Variants in INSR observed in about 807,000 individuals in gnomAD.
INSR encodes IR.
INSR carries 67 observed loss-of-function variants against 142.6 expected under a neutral mutation model. The observed-to-expected ratio is 0.47, with a 90% CI of 0.39 to 0.58. The LOEUF is 0.58. INSR is among the 20% of genes least tolerant of loss of function. The pLI is 0.00. For synonymous variants in INSR, 756 were observed against 743.1 expected (o/e 1.02, Z -0.28); for missense variants, 1,248 against 1,833.2 (o/e 0.68, Z 5.83).
At chr19:7,208,387 A>G (rs7256547) in intron 2 of INSR, among the ~76,000 whole-genome samples, 151,858 of 152,150 alleles carry the variant, frequency 1, 75,791 homozygotes, top group Middle Eastern at 1. Context: ...TCTACAGGAT[A>G]CAAAGATAAA....
intron 9 of INSR, among the ~76,000 whole-genome samples, chr19:7,158,630 G>A (rs1344129203): frequency 3.3e-5 from 5 of 152,154 alleles, no homozygotes; most frequent in African/African-American, 1.2e-4. Context: ...TGTTTCATGG[G>A]GACAGAGTTT....
At chr19:7,132,465 A>G in intron 13 of INSR, 148 bp from the exon 14 acceptor site, 1 of 806,662 alleles carries the variant, frequency 1.2e-6, no homozygotes, top group East Asian at 2.7e-5. Context: ...AGCGACTTTG[A>G]GAATTGCAGA....
Position 7,277,527 on chromosome 19 carries a change from A to G in INSR, c.101-9631T>C, listed in dbSNP as rs115544862. Among the ~76,000 whole-genome samples the G allele has an allele frequency of 7.1e-3, 1,079 of 152,294 alleles. 12 individuals carry two copies. Among genetic ancestry groups the G allele is most frequent in the African/African-American group, 0.024 (1,017 of 41,574 alleles). ...AACTGCAGAGATGTTGGCCGGGTGC[A>G]GTGGTCATGCCTGTAATCCCAACAT... On this transcript the variant is annotated intron_variant, in intron 1 of 21. Transcript: ENST00000302850.
At chr19:7,233,294 T>A (rs544111472) in intron 2 of INSR, among the ~76,000 whole-genome samples, 13 of 152,254 alleles carry the variant, frequency 8.5e-5, no homozygotes, top group African/African-American at 3.1e-4. Flanking sequence ...ATGCCCAGCC[T>A]GTGATACCTT....
In INSR at chr19:7,131,217, C is replaced by T. The variant is rs142225340; in HGVS notation, c.2842+941G>A. On this transcript the variant is annotated intron_variant, in intron 14 of 21. Coordinates refer to ENST00000302850, the MANE Select transcript of INSR (RefSeq NM_000208.4). Reference sequence around the variant, plus strand: ...ATTGCAGTGTAAGTACAGACTAACACAGGTGCCTACTTGAGAGTGGTGGGT... The same window carrying T: ...ATTGCAGTGTAAGTACAGACTAACATAGGTGCCTACTTGAGAGTGGTGGGT... Among the ~76,000 whole-genome samples, 495 of 151,760 alleles carry T rather than the reference C, an allele frequency of 3.3e-3. 2 individuals carry two copies. Among genetic ancestry groups the T allele is most frequent in the African/African-American group, 0.012 (480 of 41,298 alleles).
rs554465341 is a variant in INSR, at chr19:7,238,849, C to G, written c.652+28496G>C. 3.7e-3 allele frequency among the ~76,000 whole-genome samples: 554 copies of G among 150,356 alleles called. 2 individuals are homozygous for G. Among genetic ancestry groups the G allele is most frequent in the Non-Finnish European group, 5.6e-3 (377 of 67,756 alleles). ...AAGGGGTGGGCTTCCACTATGTGTC[C>G]CCAAAACTTGGGCAGCCACAAACAG... On this transcript the variant is annotated intron_variant, in intron 2 of 21. Transcript: ENST00000302850.
In INSR at chr19:7,256,931, CTTT is replaced by C. The variant is rs772500676; in HGVS notation, c.652+10411_652+10413del. On this transcript the variant is annotated intron_variant, in intron 2 of 21. Transcript: ENST00000302850. ...ATTCACGTTACATGCTCTACCCTAC[CTTT>C]TTTTTTTTTTTTTTTTTTCTTTTTT... Among the ~76,000 whole-genome samples the C allele has an allele frequency of 2.6e-3, 282 of 109,472 alleles. 1 individual carries two copies. In the East Asian group the frequency reaches 0.035, roughly 14 times the overall value. The allele number at this position is 109,472 out of a possible 152,430, so 71.8% of individuals were successfully genotyped here. A position where few individuals can be genotyped will look rare whatever the true frequency, so the allele number is the denominator to read the frequency against.
chr19:7,198,178 G>A (rs1427822880), intron 2 of INSR, among the ~76,000 whole-genome samples: 1 of 151,778 alleles, frequency 6.6e-6, no homozygotes, highest in Non-Finnish European at 1.5e-5. Flanking sequence ...TCCGCTCCGG[G>A]GAATCCGGCC....
At chr19:7,127,273 G>A (rs1305113877) in intron 15 of INSR, among the ~76,000 whole-genome samples, 3 of 152,152 alleles carry the variant, frequency 2.0e-5, no homozygotes, top group African/African-American at 4.8e-5. Flanking sequence ...GTTCTAGAGC[G>A]AGCTCATCCC....
intron 1 of INSR, among the ~76,000 whole-genome samples, chr19:7,286,426 C>T (rs1271492333): frequency 2.6e-5 from 4 of 151,830 alleles, no homozygotes; most frequent in Non-Finnish European, 5.9e-5. Context: ...CGGGCTCTAT[C>T]ACCCAGGTTG....
At position 7,122,759 on chromosome 19, in the gene INSR, G is replaced by A. The variant is rs370475997; in HGVS notation, c.3384C>T (p.Arg1128=). Residue 1128 remains arginine (R), a synonymous_variant, in exon 19 of 22, where the codon CGC becomes CGT. Coordinates refer to ENST00000302850, the MANE Select transcript of INSR (RefSeq NM_000208.4). The part of the protein sequence containing the change: ...LRPEAENNPG[R]PPPTLQEMIQ... The stretch of plus-strand genomic sequence containing the variant: ...TCATCTCTTGAAGGGTAGGGGGAGG[G>A]CGGCCAGGATTATTCTAAAACAGAA... 5.0e-6 allele frequency: 8 copies of A among 1,614,026 alleles called. No individual in the cohort carries two copies. In the African/African-American group the frequency reaches 8.0e-5, roughly 16 times the overall value.
At position 7,192,034 on chromosome 19, in the gene INSR, GAA is replaced by G. The variant is rs1974607643; in HGVS notation, c.653-7399_653-7398del. On this transcript the variant is annotated intron_variant, in intron 2 of 21. Coordinates refer to ENST00000302850, the MANE Select transcript of INSR (RefSeq NM_000208.4). This position sits in a 1 kb window ranked among gnomAD's most constrained non-coding sequence, Gnocchi z 4.2. ...AAGAAGAGGGAGAAAGAAAGAGAAA[GAA>G]AGAGGCAGGAAGGGAGGGAGAAAGA... Among the ~76,000 whole-genome samples, 3 of 146,538 alleles carry G rather than the reference GAA, an allele frequency of 2.0e-5. No individual in the cohort carries two copies. The highest frequency in any genetic ancestry group is 7.6e-5 in the African/African-American group (3 of 39,590).
chr19:7,203,753 G>A (rs183080112), intron 2 of INSR, among the ~76,000 whole-genome samples: 4 of 152,262 alleles, frequency 2.6e-5, no homozygotes, highest in Non-Finnish European at 4.4e-5. Context: ...CAGAGGCACC[G>A]TGAAACAGAA....
chr19:7,175,095 C>T (rs1402259713), intron 3 of INSR, among the ~76,000 whole-genome samples: 3 of 152,050 alleles, frequency 2.0e-5, no homozygotes, highest in Admixed American at 1.3e-4. Flanking sequence ...CCACCCGCCT[C>T]GGCCTCCCAA....
intron 3 of INSR, among the ~76,000 whole-genome samples, chr19:7,182,820 A>AT (rs113109382): frequency 4.8e-4 from 70 of 145,600 alleles, no homozygotes; most frequent in African/African-American, 1.6e-3. Context: ...ATATTAACCC[A>AT]TTTTTTTTAT....
intron 2 of INSR, among the ~76,000 whole-genome samples, chr19:7,247,613 A>C (rs866985004): frequency 3.3e-5 from 5 of 152,314 alleles, no homozygotes; most frequent in Middle Eastern, 3.4e-3. Context: ...GAAAGAGGGG[A>C]TATACCAGTT....
At chr19:7,144,704 C>CTT (rs199504210) in intron 11 of INSR, among the ~76,000 whole-genome samples, 17 of 135,924 alleles carry the variant, frequency 1.3e-4, no homozygotes, top group Middle Eastern at 3.8e-3. Flanking sequence ...GCACATGGCT[C>CTT]TTTTTTTTTT....
chr19:7,282,790 G>A (rs531914468), intron 1 of INSR, among the ~76,000 whole-genome samples: 6 of 151,208 alleles, frequency 4.0e-5, no homozygotes, highest in African/African-American at 1.5e-4. Flanking sequence ...TCGAGACCAC[G>A]GTGAAACCCC....
chr19:7,166,032 TAAAAA>T lies in INSR; in HGVS notation c.1861+117_1861+121del. The T allele has an allele frequency of 3.1e-6, 3 of 968,040 alleles. No individual in the cohort carries two copies. The highest frequency in any genetic ancestry group is 4.5e-6 in the Non-Finnish European group (3 of 659,892). The allele number at this position is 968,040 out of a possible 1,614,324, so 60.0% of individuals were successfully genotyped here. Reference sequence around the variant, plus strand: ...CTGGGTGACAAAGTAAGACCCTGTCTAAAAAAAAAAAAAAAGCCAATAACCATATC... The same window carrying T: ...CTGGGTGACAAAGTAAGACCCTGTCTAAAAAAAAAAGCCAATAACCATATC... On this transcript the variant is annotated intron_variant, in intron 8 of 21. Transcript: ENST00000302850. This position sits in a 1 kb window ranked among gnomAD's most constrained non-coding sequence, Gnocchi z 4.1.
Sources: gnomAD v4.1 joint callset for allele counts (sites outside exome capture counted in the v4.1 genomes callset) on GRCh38, gnomAD v4.1.1 for gene constraint, Gnocchi (gnomAD v3.1) non-coding constraint, MANE v1.5 for transcripts, NCBI Gene and HGNC (gene_info 2026-07-23, HGNC 2026-07-21) for gene names.